MIB1: variants seen among roughly 807,000 people sequenced by gnomAD.
The protein encoded by MIB1 is E3 ubiquitin-protein ligase MIB1.
Under a neutral mutation model 124.5 loss-of-function variants are expected in MIB1, and 278 were observed. That is an observed-to-expected ratio of 2.23 (90% confidence interval 2.02 to 2.47). The LOEUF is 2.47. MIB1 is among the 30% of genes most tolerant of loss of function. MIB1 has a pLI of 0.00. For synonymous variants in MIB1, 446 were observed against 429.4 expected, an observed-to-expected ratio of 1.04 and a Z score of -0.48; for missense variants, 957 against 1,254.4, an observed-to-expected ratio of 0.76 and a Z score of 3.58.
intron 9 of MIB1, among the ~76,000 whole-genome samples, chr18:21,801,745 C>G (rs995576693): frequency 4.7e-4 from 71 of 152,032 alleles, no homozygotes; most frequent in African/African-American, 1.7e-3. Flanking sequence ...CTCAATTGCT[C>G]GAGACATTTA....
chr18:21,739,685 C>T (rs1038594676), upstream of MIB1, among the ~76,000 whole-genome samples: 2 of 151,832 alleles, frequency 1.3e-5, no homozygotes, highest in African/African-American at 2.4e-5. Context: ...GAGACCAGTC[C>T]GGCCAGGGAA....
chr18:21,860,125 T>TTTTA (rs1273694921), intron 20 of MIB1, among the ~76,000 whole-genome samples: 1 of 107,230 alleles, frequency 9.3e-6, no homozygotes, highest in African/African-American at 3.0e-5. Flanking sequence ...TTTTTTTTTT[T>TTTTA]AGAGTCTCAC....
rs911848513 is a variant in MIB1 at position 21,741,522 on chromosome 18, G to GC, written c.-56dup. 6 of 1,239,908 alleles carry GC rather than the reference G, an allele frequency of 4.8e-6. No homozygotes were observed. The highest frequency in any genetic ancestry group is 3.2e-5 in the African/African-American group (2 of 62,618). 76.8% of individuals were successfully genotyped at this position (1,239,908 alleles called of 1,614,324 possible). A position where few individuals can be genotyped will look rare whatever the true frequency, so the allele number is the denominator to read the frequency against. ...CGGCCCGGGCCCAACTCCCTCACGG[G>GC]CCCCCCGGCGGCAGCGGCGGCGGCG... On this transcript the variant is annotated 5_prime_UTR_variant, in exon 1 of 21. Coordinates refer to ENST00000261537, the MANE Select transcript of MIB1 (RefSeq NM_020774.4). The surrounding 1 kb of genome is among the most constrained non-coding windows in gnomAD (Gnocchi z 5.4).
At chr18:21,829,700 T>C (rs570635124) in intron 12 of MIB1, among the ~76,000 whole-genome samples, 1 of 152,218 alleles carries the variant, frequency 6.6e-6, no homozygotes, top group South Asian at 2.1e-4. Flanking sequence ...CTTTTTTCTT[T>C]ATTAGTTCCT....
chr18:21,768,837 G>T (rs896197385), intron 3 of MIB1, 85 bp downstream of exon 3: 8 of 1,201,796 alleles, frequency 6.7e-6, no homozygotes, highest in Non-Finnish European at 8.8e-6. Flanking sequence ...TGAATTTCTT[G>T]GTCCATTGTT....
chr18:21,732,329 A>G (rs1263304088), intron 1 of MIB1, among the ~76,000 whole-genome samples: 1 of 147,592 alleles, frequency 6.8e-6, no homozygotes, highest in African/African-American at 2.5e-5. Context: ...CTCCATCTAA[A>G]AAAATATATA....
chr18:21,822,779 TAAC>T (rs2041890520), intron 12 of MIB1, among the ~76,000 whole-genome samples: 1 of 152,078 alleles, frequency 6.6e-6, no homozygotes, highest in Non-Finnish European at 1.5e-5. Context: ...GAATTAAAAA[TAAC>T]AACCAGTCTT....
chr18:21,794,132 C>T (rs1017817108), intron 7 of MIB1: 2 of 151,750 alleles, frequency 1.3e-5, no homozygotes, highest in African/African-American at 4.8e-5. Flanking sequence ...TGCACTTTAG[C>T]CTGGGCTAAT....
At chr18:21,731,574 A>G (rs533585569) in intron 1 of MIB1, among the ~76,000 whole-genome samples, 176 of 152,178 alleles carry the variant, frequency 1.2e-3, no homozygotes, top group Non-Finnish European at 2.0e-3. Flanking sequence ...TCTACTATAA[A>G]TACAAAACAT....
chr18:21,851,388 T>G (rs2042178781), intron 17 of MIB1, among the ~76,000 whole-genome samples: 5 of 152,148 alleles, frequency 3.3e-5, no homozygotes, highest in Admixed American at 3.3e-4. Flanking sequence ...GCAATTTGAT[T>G]TTTAAATTAT....
intron 6 of MIB1, among the ~76,000 whole-genome samples, chr18:21,787,672 G>A (rs940249833): frequency 6.6e-6 from 1 of 151,758 alleles, no homozygotes; most frequent in Non-Finnish European, 1.5e-5. Context: ...TCTGCTTGGC[G>A]TTTTTCATGT....
rs576768325 is a variant in MIB1 at position 21,825,881 on chromosome 18, A to G, written c.1829+6235A>G. 2.4e-5 allele frequency: 9 copies of G among 381,290 alleles called. No individual in the cohort carries two copies. The Admixed American group carries it at 2.8e-4, about 12-fold the overall frequency. The allele number at this position is 381,290 out of a possible 1,614,324, so 23.6% of individuals were successfully genotyped here. A position where few individuals can be genotyped will look rare whatever the true frequency, so the allele number is the denominator to read the frequency against. ...ACAAGTGTTAGAAATTATCATACCA[A>G]TGCTTCAGTCACTGAATGTCAAATT... On this transcript the variant is annotated intron_variant, in intron 12 of 20. Transcript: ENST00000261537.
chr18:21,832,255 A>T (rs2041991040), intron 12 of MIB1, among the ~76,000 whole-genome samples: 1 of 152,170 alleles, frequency 6.6e-6, no homozygotes, highest in East Asian at 1.9e-4. Context: ...TCTACTTTAT[A>T]TTCAAATGTG....
chr18:21,778,819 TA>T (rs932094668), intron 5 of MIB1, among the ~76,000 whole-genome samples: 3 of 152,102 alleles, frequency 2.0e-5, no homozygotes, highest in African/African-American at 4.8e-5. Context: ...GGAGAATGCA[TA>T]AAAAAATTTA....
At chr18:21,838,279 G>C (rs550514226) in intron 12 of MIB1, 86 bp from the exon 13 acceptor site, 2 of 834,982 alleles carry the variant, frequency 2.4e-6, no homozygotes, top group East Asian at 2.9e-5. Context: ...TTTCTTTAAA[G>C]AGGAGTATCT....
intron 1 of MIB1, among the ~76,000 whole-genome samples, chr18:21,759,211 A>G (rs1432621245): frequency 6.6e-6 from 1 of 150,768 alleles, no homozygotes; most frequent in African/African-American, 2.4e-5. Context: ...TTCTATACAT[A>G]TGTGTGTATA....
intron 9 of MIB1, among the ~76,000 whole-genome samples, chr18:21,801,953 C>G (rs2041654976): frequency 6.6e-6 from 1 of 152,026 alleles, no homozygotes; most frequent in South Asian, 2.1e-4. Flanking sequence ...CTTTTTGTTT[C>G]TACATTTTCT....
intron 7 of MIB1, chr18:21,794,144 T>C (rs2041546170): frequency 6.6e-6 from 1 of 151,988 alleles, no homozygotes; most frequent in Non-Finnish European, 1.5e-5. Flanking sequence ...TGGGCTAATG[T>C]AGTGAGACTG....
intron 10 of MIB1, among the ~76,000 whole-genome samples, chr18:21,814,813 A>G (rs2041809949): frequency 6.6e-6 from 1 of 150,996 alleles, no homozygotes; most frequent in South Asian, 2.1e-4. Flanking sequence ...ACTTCAGGTG[A>G]TCCGCCCGCC....
Sources: gnomAD v4.1 joint callset for allele counts (sites outside exome capture counted in the v4.1 genomes callset) on GRCh38, gnomAD v4.1.1 for gene constraint, Gnocchi (gnomAD v3.1) non-coding constraint, MANE v1.5 for transcripts, NCBI Gene and HGNC (gene_info 2026-07-23, HGNC 2026-07-21) for gene names.